Variants in MRTFA observed in about 807,000 individuals in gnomAD.
The protein encoded by MRTFA is myocardin-related transcription factor A.
MRTFA carries 20 observed loss-of-function variants against 83.5 expected under a neutral mutation model. The observed-to-expected ratio is 0.24, with a 90% CI of 0.17 to 0.35. The LOEUF (loss-of-function observed/expected upper bound fraction) is 0.35, where lower values mean the gene tolerates loss of function less well. MRTFA is among the 10% of genes least tolerant of loss of function. MRTFA has a pLI of 1.00. For missense variants in MRTFA, 1,200 were observed against 1,224.7 expected (o/e 0.98, Z 0.30); for synonymous variants, 659 against 541.2 (o/e 1.22, Z -3.02).
intron 1 of MRTFA, among the ~76,000 whole-genome samples, chr22:40,631,829 C>T (rs2056645256): frequency 6.6e-6 from 1 of 152,196 alleles, no homozygotes; most frequent in African/African-American, 2.4e-5. Flanking sequence ...CCCATTCCTT[C>T]ATTCCTCCAA....
intron 2 of MRTFA, among the ~76,000 whole-genome samples, chr22:40,583,592 T>G (rs980365934): frequency 1.3e-5 from 2 of 152,118 alleles, no homozygotes; most frequent in African/African-American, 4.8e-5. Flanking sequence ...CAGGACTGAG[T>G]AGTGGGGAGC....
At chr22:40,422,810 G>A (rs1323052839) in intron 9 of MRTFA, among the ~76,000 whole-genome samples, 2 of 152,252 alleles carry the variant, frequency 1.3e-5, no homozygotes, top group Non-Finnish European at 2.9e-5. Context: ...CCTCTCCTGA[G>A]GCTCAGATGG....
At chr22:40,437,600 A>C (rs1305841339) in intron 4 of MRTFA, among the ~76,000 whole-genome samples, 2 of 152,062 alleles carry the variant, frequency 1.3e-5, no homozygotes, top group South Asian at 2.1e-4. Flanking sequence ...TCTCTACTAA[A>C]AATACAAACA....
At chr22:40,444,129 C>T (rs1450963810) in intron 4 of MRTFA, among the ~76,000 whole-genome samples, 1 of 152,130 alleles carries the variant, frequency 6.6e-6, no homozygotes, top group African/African-American at 2.4e-5. Flanking sequence ...TTCAAAGGGT[C>T]AGCTAAAACA....
At chr22:40,499,538 C>T (rs1209794357) in intron 3 of MRTFA, among the ~76,000 whole-genome samples, 1 of 152,146 alleles carries the variant, frequency 6.6e-6, no homozygotes, top group Non-Finnish European at 1.5e-5. Flanking sequence ...CAGAAATTAA[C>T]ATATTTCTCA....
intron 1 of MRTFA, among the ~76,000 whole-genome samples, chr22:40,635,554 A>C (rs2056687170): frequency 6.6e-6 from 1 of 152,214 alleles, no homozygotes; most frequent in South Asian, 2.1e-4. Context: ...GCTGGCAAGC[A>C]AGTTAACCAT....
intron 5 of MRTFA, chr22:40,433,290 G>T: frequency 6.5e-6 from 1 of 152,826 alleles, no homozygotes. Context: ...TATCATTAAA[G>T]GCATTCATGA....
At chr22:40,609,736 CAGG>C (rs1014535999) in intron 1 of MRTFA, among the ~76,000 whole-genome samples, 6 of 151,884 alleles carry the variant, frequency 4.0e-5, no homozygotes, top group African/African-American at 1.5e-4. Context: ...GAGGCTGAGG[CAGG>C]AGAATTGCTT....
intron 7 of MRTFA, among the ~76,000 whole-genome samples, chr22:40,425,561 C>G (rs553261605): frequency 1.3e-5 from 2 of 152,358 alleles, no homozygotes; most frequent in African/African-American, 4.8e-5. Flanking sequence ...AAGGATGCAT[C>G]TGAGCTTCTT....
intron 4 of MRTFA, among the ~76,000 whole-genome samples, chr22:40,444,937 A>G (rs2053348253): frequency 6.6e-6 from 1 of 152,118 alleles, no homozygotes; most frequent in Admixed American, 6.6e-5. Context: ...CATGGTGGCA[A>G]TCACCTGTAG....
intron 1 of MRTFA, among the ~76,000 whole-genome samples, chr22:40,628,573 G>C (rs1366173738): frequency 6.6e-6 from 1 of 151,426 alleles, no homozygotes; most frequent in South Asian, 2.1e-4. Flanking sequence ...TTTACACAGA[G>C]AATGATTTCT....
chr22:40,577,323 A>G (rs2055882404), intron 2 of MRTFA, among the ~76,000 whole-genome samples: 1 of 151,810 alleles, frequency 6.6e-6, no homozygotes, highest in Non-Finnish European at 1.5e-5. Context: ...AATATTCCTG[A>G]TATGAGTGTA....
At chr22:40,515,189 G>A (rs770387171) in intron 3 of MRTFA, among the ~76,000 whole-genome samples, 2 of 151,952 alleles carry the variant, frequency 1.3e-5, no homozygotes, top group African/African-American at 4.8e-5. Context: ...TTACAGGCCT[G>A]AGCCACTGTG....
chr22:40,546,281 T>C (rs935510451), intron 3 of MRTFA, among the ~76,000 whole-genome samples: 1 of 152,228 alleles, frequency 6.6e-6, no homozygotes, highest in Admixed American at 6.5e-5. Context: ...ACAATCTTCT[T>C]ACCAGCCTCT....
chr22:40,482,972 G>T (rs749787019), intron 3 of MRTFA, among the ~76,000 whole-genome samples: 9 of 152,084 alleles, frequency 5.9e-5, no homozygotes, highest in Non-Finnish European at 1.2e-4. Context: ...CTGGTTGTGT[G>T]TGCCTGTAGT....
chr22:40,532,492 G>A (rs528862405), intron 3 of MRTFA, among the ~76,000 whole-genome samples: 40 of 152,278 alleles, frequency 2.6e-4, no homozygotes, highest in African/African-American at 9.4e-4. Flanking sequence ...TAGATCTGTA[G>A]GAGGAAAAGG....
intron 4 of MRTFA, among the ~76,000 whole-genome samples, chr22:40,441,469 T>C (rs2053272554): frequency 6.6e-6 from 1 of 152,164 alleles, no homozygotes; most frequent in African/African-American, 2.4e-5. Context: ...GAAAAACTGT[T>C]TCCACTTAAT....
chr22:40,627,689 A>G (rs1018162813), intron 1 of MRTFA, among the ~76,000 whole-genome samples: 1 of 152,224 alleles, frequency 6.6e-6, no homozygotes, highest in Non-Finnish European at 1.5e-5. Flanking sequence ...ATTCAAAAAC[A>G]GATCTGGATT....
At chr22:40,546,654 T>A (rs1403865436) in intron 3 of MRTFA, among the ~76,000 whole-genome samples, 1 of 152,160 alleles carries the variant, frequency 6.6e-6, no homozygotes, top group Non-Finnish European at 1.5e-5. Flanking sequence ...AAACTATTCT[T>A]TCAGGAGCTT....
Sources: gnomAD v4.1 joint callset for allele counts (sites outside exome capture counted in the v4.1 genomes callset) on GRCh38, gnomAD v4.1.1 for gene constraint, MANE v1.5 for transcripts, NCBI Gene and HGNC (gene_info 2026-07-23, HGNC 2026-07-21) for gene names.